Variants in MARCHF1 observed in about 807,000 individuals in gnomAD.
The protein encoded by MARCHF1 is membrane associated ring-CH-type finger 1, also known as E3 ubiquitin-protein ligase MARCHF1.
MARCHF1 carries 40 observed loss-of-function variants against 54.2 expected under a neutral mutation model. The ratio of observed to expected loss-of-function variants is 0.74; its 90% CI spans 0.57 to 0.96. The LOEUF (loss-of-function observed/expected upper bound fraction) is 0.96, where lower values mean the gene tolerates loss of function less well. Ranked by LOEUF, MARCHF1 falls within the 40% of genes least tolerant of loss-of-function variation. MARCHF1 has a pLI of 0.00. For synonymous variants in MARCHF1, 236 were observed against 236.3 expected, an observed-to-expected ratio of 1.00 and a Z score of 0.01; for missense variants, 586 against 656.5, an observed-to-expected ratio of 0.89 and a Z score of 1.17.
At chr4:163,860,203 A>C (rs1286913072) in intron 3 of MARCHF1, among the ~76,000 whole-genome samples, 1 of 152,190 alleles carries the variant, frequency 6.6e-6, no homozygotes, top group Non-Finnish European at 1.5e-5. Flanking sequence ...ATGGAGCCCT[A>C]ACGGGGTAGA....
chr4:164,225,479 G>C (rs1732226288), intron 1 of MARCHF1, among the ~76,000 whole-genome samples: 1 of 151,918 alleles, frequency 6.6e-6, no homozygotes, highest in Admixed American at 6.6e-5. Flanking sequence ...ATTGAAGATA[G>C]TAAACATGGA....
intron 5 of MARCHF1, among the ~76,000 whole-genome samples, chr4:163,633,132 C>T (rs866839291): frequency 6.6e-6 from 1 of 152,088 alleles, no homozygotes; most frequent in Non-Finnish European, 1.5e-5. Context: ...TAGATAAAAC[C>T]ACAAAGATGG....
At position 164,220,676 on chromosome 4, in the gene MARCHF1, T is replaced by A. The variant is rs188865976; in HGVS notation, c.-322-109014A>T. On this transcript the variant is annotated intron_variant, in intron 1 of 9. Coordinates refer to ENST00000514618, the MANE Select transcript of MARCHF1 (RefSeq NM_001394959.1). ...ATATGTAATATATATGCTATATGTA[T>A]ATATGTAATATATATGCTATATATG... Among the ~76,000 whole-genome samples the A allele has an allele frequency of 1.6e-3, 221 of 142,550 alleles. 1 individual carries two copies. The highest frequency in any genetic ancestry group is 5.0e-3 in the African/African-American group (196 of 38,936). 93.5% of individuals were successfully genotyped at this position (142,550 alleles called of 152,430 possible). A position where few individuals can be genotyped will look rare whatever the true frequency, so the allele number is the denominator to read the frequency against.
chr4:163,864,169 GA>G (rs1750001953), intron 3 of MARCHF1, among the ~76,000 whole-genome samples: 1 of 151,962 alleles, frequency 6.6e-6, no homozygotes, highest in South Asian at 2.1e-4. Flanking sequence ...AGTACAATAT[GA>G]AAAGACAGAA....
At chr4:163,887,448 C>T (rs1188534213) in intron 3 of MARCHF1, among the ~76,000 whole-genome samples, 1 of 152,042 alleles carries the variant, frequency 6.6e-6, no homozygotes, top group African/African-American at 2.4e-5. Context: ...GAGTTTGCTA[C>T]TCAGAGGGTG....
At chr4:163,936,237 T>A (rs974805889) in intron 3 of MARCHF1, among the ~76,000 whole-genome samples, 1 of 151,992 alleles carries the variant, frequency 6.6e-6, no homozygotes, top group Non-Finnish European at 1.5e-5. Context: ...AATATAATAA[T>A]GATGAAAAAG....
chr4:163,946,046 T>C (rs1299916814), intron 3 of MARCHF1, among the ~76,000 whole-genome samples: 3 of 152,152 alleles, frequency 2.0e-5, no homozygotes, highest in Non-Finnish European at 2.9e-5. Context: ...ATTGATGTTA[T>C]ATCATTTATA....
chr4:163,965,404 C>T (rs1257116504), intron 3 of MARCHF1, among the ~76,000 whole-genome samples: 2 of 151,964 alleles, frequency 1.3e-5, no homozygotes, highest in Admixed American at 6.6e-5. Flanking sequence ...TTTTCAGCAT[C>T]CCCATTTTAT....
rs1738192311 is a variant in MARCHF1 at position 163,528,003 on chromosome 4, T to G, written c.*745A>C. On this transcript the variant is annotated 3_prime_UTR_variant, in exon 10 of 10. Transcript: ENST00000514618. ...CTGTTGTGTTTCTATTGGACAGCAC[T>G]GTATTAGAGGAACCAGATGAAAATA... The G allele has an allele frequency of 6.6e-6, 1 of 152,542 alleles. No homozygotes were observed. Among genetic ancestry groups the G allele is most frequent in the East Asian group, 1.9e-4 (1 of 5,200 alleles). The allele number at this position is 152,542 out of a possible 1,614,324, so 9.4% of individuals were successfully genotyped here.
At chr4:163,800,437 T>C (rs12645802) in intron 4 of MARCHF1, among the ~76,000 whole-genome samples, 61,236 of 151,726 alleles carry the variant, frequency 0.4, 13,445 homozygotes, top group East Asian at 0.55. Context: ...GATATTAAAA[T>C]ATCTAATGTA....
chr4:164,300,555 G>T (rs182162667), intron 1 of MARCHF1, among the ~76,000 whole-genome samples: 34 of 152,132 alleles, frequency 2.2e-4, no homozygotes, highest in African/African-American at 8.2e-4. Flanking sequence ...TTAGTTGTTT[G>T]TTTGTTTGTT....
At chr4:163,728,018 T>C (rs1273119132) in intron 4 of MARCHF1, among the ~76,000 whole-genome samples, 2 of 152,154 alleles carry the variant, frequency 1.3e-5, no homozygotes, top group Admixed American at 1.3e-4. Context: ...TTGTCAAATA[T>C]CTGCAGCCTG....
At chr4:164,261,676 C>G (rs1733470710) in intron 1 of MARCHF1, among the ~76,000 whole-genome samples, 1 of 152,208 alleles carries the variant, frequency 6.6e-6, no homozygotes, top group African/African-American at 2.4e-5. Flanking sequence ...CTTCAAAGAA[C>G]TGGCTCCTTT....
At chr4:163,983,804 A>G (rs951194268) in intron 3 of MARCHF1, among the ~76,000 whole-genome samples, 3 of 152,244 alleles carry the variant, frequency 2.0e-5, no homozygotes, top group East Asian at 1.9e-4. Flanking sequence ...GTTTCTACCA[A>G]CTTTGCTTAA....
chr4:164,319,537 C>A (rs1213812314), intron 1 of MARCHF1, among the ~76,000 whole-genome samples: 2 of 152,082 alleles, frequency 1.3e-5, no homozygotes, highest in Admixed American at 1.3e-4. Flanking sequence ...TTAAAAATGT[C>A]CTATTTTAAT....
chr4:163,848,543 T>C (rs1286509327), intron 4 of MARCHF1, among the ~76,000 whole-genome samples: 1 of 152,202 alleles, frequency 6.6e-6, no homozygotes, highest in Non-Finnish European at 1.5e-5. Flanking sequence ...ATTCTTATGA[T>C]CTCCTTTGCT....
chr4:164,329,125 G>A (rs565236520), intron 1 of MARCHF1, among the ~76,000 whole-genome samples: 1 of 152,110 alleles, frequency 6.6e-6, no homozygotes, highest in African/African-American at 2.4e-5. Context: ...TTTGATCCTT[G>A]GAAGAAGATT....
chr4:164,073,789 T>G (rs1190516628), intron 2 of MARCHF1, among the ~76,000 whole-genome samples: 1 of 152,054 alleles, frequency 6.6e-6, no homozygotes, highest in Non-Finnish European at 1.5e-5. Flanking sequence ...GTTTTTTTTT[T>G]GTTGCTGTTA....
intron 9 of MARCHF1, among the ~76,000 whole-genome samples, chr4:163,544,789 CAA>C (rs1738840956): frequency 6.6e-6 from 1 of 152,172 alleles, no homozygotes; most frequent in East Asian, 1.9e-4. Flanking sequence ...ATTACAAACT[CAA>C]AATGTTACTA....
Sources: gnomAD v4.1 joint callset for allele counts (sites outside exome capture counted in the v4.1 genomes callset) on GRCh38, gnomAD v4.1.1 for gene constraint, MANE v1.5 for transcripts, NCBI Gene and HGNC (gene_info 2026-07-23, HGNC 2026-07-21) for gene names.